Variants in GARNL3 observed in about 807,000 individuals in gnomAD.
The protein encoded by GARNL3 is GTPase activating Rap/RanGAP domain like 3.
Under a neutral mutation model 125.0 loss-of-function variants are expected in GARNL3, and 63 were observed. The ratio of observed to expected loss-of-function variants is 0.50; its 90% confidence interval spans 0.41 to 0.62. The LOEUF (loss-of-function observed/expected upper bound fraction) is 0.62, where lower values mean the gene tolerates loss of function less well. Among genes scored for constraint, GARNL3 ranks in the 20% least tolerant of loss-of-function variants. The pLI is 0.00. For missense variants in GARNL3, 994 were observed against 1,244.0 expected (o/e 0.80, Z 3.02); for synonymous variants, 439 against 457.5 (o/e 0.96, Z 0.52).
intron 22 of GARNL3, among the ~76,000 whole-genome samples, chr9:127,376,932 A>G (rs1831949982): frequency 6.6e-6 from 1 of 152,242 alleles, no homozygotes; most frequent in Admixed American, 6.5e-5. Context: ...CAAATATACT[A>G]TGCTACTGAA....
chr9:127,306,584 G>GGGCGTGGTGGCA (rs2064961069), intron 2 of GARNL3, among the ~76,000 whole-genome samples: 1 of 152,066 alleles, frequency 6.6e-6, no homozygotes, highest in African/African-American at 2.4e-5. Context: ...AAAATTAGCC[G>GGGCGTGGTGGCA]GGCGTGGTGG....
At position 127,331,720 on chromosome 9, in the gene GARNL3, C is replaced by CTTTTTTTTTTTTTTTTTTTTTTTTTTTTT. The variant is rs60448026; in HGVS notation, c.595-539_595-538insTTTTTTTTTTTTTTTTTTTTTTTTTTTTT. Among the ~76,000 whole-genome samples the CTTTTTTTTTTTTTTTTTTTTTTTTTTTTT allele has an allele frequency of 2.1e-3, 153 of 74,346 alleles. 22 individuals carry two copies. The highest frequency in any genetic ancestry group is 6.6e-3 in the East Asian group (10 of 1,510). The allele number at this position is 74,346 out of a possible 152,430, so 48.8% of individuals were successfully genotyped here. A position where few individuals can be genotyped will look rare whatever the true frequency, so the allele number is the denominator to read the frequency against. On this transcript the variant is annotated intron_variant, in intron 7 of 27. Coordinates refer to ENST00000373387, the MANE Select transcript of GARNL3 (RefSeq NM_032293.5). ...CTACTGCTTGCTTGGCTTGGGCTTG[C>CTTTTTTTTTTTTTTTTTTTTTTTTTTTTT]TTTTTTTTTTTTTTTCACATCTGTT...
chr9:127,339,796 G>A (rs776100464), intron 13 of GARNL3, 45 bp downstream of exon 13: 1 of 1,149,372 alleles, frequency 8.7e-7, no homozygotes, highest in South Asian at 1.2e-5. Flanking sequence ...TTCTATGTCA[G>A]AATACATTTC....
intron 1 of GARNL3, among the ~76,000 whole-genome samples, chr9:127,283,317 C>T (rs2064151628): frequency 6.6e-6 from 1 of 152,154 alleles, no homozygotes; most frequent in Non-Finnish European, 1.5e-5. Context: ...CACACATAGC[C>T]ACTGAGCACT....
intron 2 of GARNL3, among the ~76,000 whole-genome samples, chr9:127,254,912 G>T (rs2063471433): frequency 6.6e-6 from 1 of 152,138 alleles, no homozygotes; most frequent in South Asian, 2.1e-4. Flanking sequence ...TCAAGCTCTT[G>T]AGCTATCAGA....
chr9:127,239,138 C>T (rs2063161066), intron 1 of GARNL3, among the ~76,000 whole-genome samples: 1 of 152,226 alleles, frequency 6.6e-6, no homozygotes, highest in Non-Finnish European at 1.5e-5. Flanking sequence ...CACTTCAAGG[C>T]AAGACCCTCT....
At chr9:127,377,861 A>G (rs1832010285) in intron 22 of GARNL3, among the ~76,000 whole-genome samples, 1 of 152,148 alleles carries the variant, frequency 6.6e-6, no homozygotes, top group African/African-American at 2.4e-5. Flanking sequence ...CACAAAACTT[A>G]AAATTTCTAT....
intron 1 of GARNL3, among the ~76,000 whole-genome samples, chr9:127,269,219 C>T (rs1025074539): frequency 2.0e-5 from 3 of 152,128 alleles, no homozygotes; most frequent in Non-Finnish European, 4.4e-5. Flanking sequence ...AGGCTGGTCT[C>T]GAAATCTTGG....
At chr9:127,372,996 TAG>T (rs1438696877) in intron 22 of GARNL3, among the ~76,000 whole-genome samples, 26 of 152,230 alleles carry the variant, frequency 1.7e-4, no homozygotes, top group African/African-American at 6.0e-4. Context: ...AGAATATGCA[TAG>T]AAAGTTTTGT....
At position 127,339,845 on chromosome 9, in the gene GARNL3, T is replaced by G. The variant is rs150302700; in HGVS notation, c.1135+94T>G. The G allele has an allele frequency of 9.3e-4, 767 of 826,930 alleles. 2 individuals are homozygous for G. The highest frequency in any genetic ancestry group is 1.5e-3 in the Admixed American group (85 of 56,800). The allele number at this position is 826,930 out of a possible 1,614,324, so 51.2% of individuals were successfully genotyped here. On this transcript the variant is annotated intron_variant, in intron 13 of 27. Transcript: ENST00000373387. ...AGAATGCTGTTTAAGGAAATGTCATTGTTTAAGCATTCCATGTTCCGTTAA... is the reference window on the plus strand; with the variant it reads ...AGAATGCTGTTTAAGGAAATGTCATGGTTTAAGCATTCCATGTTCCGTTAA...
chr9:127,313,641 G>T (rs1415068482), intron 4 of GARNL3, 82 bp downstream of exon 4: 1 of 935,070 alleles, frequency 1.1e-6, no homozygotes, highest in Non-Finnish European at 1.8e-6. Context: ...CTGTGTGCCA[G>T]TTTCTTCCAG....
chr9:127,258,630 C>A (rs1195084187), intron 2 of GARNL3, among the ~76,000 whole-genome samples: 1 of 152,082 alleles, frequency 6.6e-6, no homozygotes, highest in Non-Finnish European at 1.5e-5. Context: ...AAGAGTGAGA[C>A]CCTGTCTCAA....
At position 127,385,190 on chromosome 9, in the gene GARNL3, C is replaced by T. The variant is rs752779684; in HGVS notation, c.2388+45C>T. ...TATCTCTGAGTGGTTTGGGGGACCC[C>T]GGCACTGTGGGATTTCAGGTGAGCA... On this transcript the variant is annotated intron_variant, in intron 24 of 27. Transcript: ENST00000373387. The surrounding 1 kb of genome is among the most constrained non-coding windows in gnomAD (Gnocchi z 4.1). The T allele has an allele frequency of 1.3e-5, 16 of 1,250,870 alleles. No homozygotes were observed. The highest frequency in any genetic ancestry group is 1.0e-4 in the African/African-American group (7 of 67,112). 77.5% of individuals were successfully genotyped at this position (1,250,870 alleles called of 1,614,324 possible). A position where few individuals can be genotyped will look rare whatever the true frequency, so the allele number is the denominator to read the frequency against.
At chr9:127,344,853 C>T (rs1444187289) in intron 15 of GARNL3, among the ~76,000 whole-genome samples, 1 of 152,170 alleles carries the variant, frequency 6.6e-6, no homozygotes, top group Non-Finnish European at 1.5e-5. Flanking sequence ...TTGCCCCGCT[C>T]GCATGTGACA....
At chr9:127,263,091 G>A (rs1183082638), upstream of GARNL3, among the ~76,000 whole-genome samples, 1 of 152,194 alleles carries the variant, frequency 6.6e-6, no homozygotes, top group Non-Finnish European at 1.5e-5. Context: ...AACACATAGT[G>A]GACATTCTCT....
intron 22 of GARNL3, among the ~76,000 whole-genome samples, chr9:127,374,257 C>A (rs1463018977): frequency 6.6e-6 from 1 of 151,624 alleles, no homozygotes; most frequent in African/African-American, 2.4e-5. Flanking sequence ...GCTGAGATTG[C>A]GCCATTGCGC....
At chr9:127,286,918 A>G (rs2064266278) in intron 1 of GARNL3, among the ~76,000 whole-genome samples, 1 of 152,208 alleles carries the variant, frequency 6.6e-6, no homozygotes, top group African/African-American at 2.4e-5. Flanking sequence ...ATATGCAGCC[A>G]GGAACTCTAA....
intron 7 of GARNL3, among the ~76,000 whole-genome samples, chr9:127,331,917 G>A (rs752064234): frequency 4.6e-5 from 7 of 151,904 alleles, no homozygotes; most frequent in Non-Finnish European, 8.8e-5. Context: ...GATTTGGACG[G>A]TTGCTCATGG....
chr9:127,304,758 A>G (rs1446312905), intron 2 of GARNL3, among the ~76,000 whole-genome samples: 7 of 152,064 alleles, frequency 4.6e-5, no homozygotes, highest in African/African-American at 1.2e-4. Context: ...ACTGGTCTCG[A>G]ACTCCTGACC....
Sources: allele counts gnomAD v4.1 joint callset (sites outside exome capture counted in the v4.1 genomes callset), GRCh38; gene constraint gnomAD v4.1.1; non-coding constraint Gnocchi (gnomAD v3.1); transcripts MANE v1.5; gene names NCBI Gene and HGNC (gene_info 2026-07-23, HGNC 2026-07-21).